Variants in GNG2 observed in about 807,000 individuals in gnomAD.
The protein encoded by GNG2 is G protein subunit gamma 2, also known as guanine nucleotide-binding protein G(I)/G(S)/G(O) subunit gamma-2.
Under a neutral mutation model 5.5 loss-of-function variants are expected in GNG2, and 5 were observed. The ratio of observed to expected loss-of-function variants is 0.91; its 90% CI spans 0.48 to 1.92. GNG2 has a LOEUF of 1.92. Ranked by LOEUF, GNG2 falls within the 30% of genes most tolerant of loss-of-function variation. The pLI, the probability that GNG2 is intolerant of heterozygous loss-of-function variation, is 0.01. For synonymous variants in GNG2, 28 were observed against 32.0 expected, an observed-to-expected ratio of 0.88 and a Z score of 0.42; for missense variants, 55 against 88.4, an observed-to-expected ratio of 0.62 and a Z score of 1.52.
chr14:51,904,767 G>A (rs948438727), intron 2 of GNG2, among the ~76,000 whole-genome samples: 1 of 152,234 alleles, frequency 6.6e-6, no homozygotes, highest in South Asian at 2.1e-4. Context: ...TGAGATTCAA[G>A]TTGAGTTTTC....
At chr14:51,870,677 G>C (rs1243856438) in intron 1 of GNG2, among the ~76,000 whole-genome samples, 1 of 152,210 alleles carries the variant, frequency 6.6e-6, no homozygotes, top group Non-Finnish European at 1.5e-5. Flanking sequence ...TGGAATTTCT[G>C]ATTATGAGTT....
At chr14:51,859,211 T>TTTG (rs1231171692), upstream of GNG2, among the ~76,000 whole-genome samples, 1 of 152,174 alleles carries the variant, frequency 6.6e-6, no homozygotes. Flanking sequence ...AGAGGTGTTT[T>TTTG]TTGTTGTTGT....
chr14:51,886,666 T>G (rs985937880), intron 2 of GNG2, among the ~76,000 whole-genome samples: 2 of 152,150 alleles, frequency 1.3e-5, no homozygotes, highest in African/African-American at 4.8e-5. Context: ...GAGGACCTCC[T>G]TAGTGGAGCT....
At chr14:51,836,478 T>G (rs1478572286) in intron 2 of GNG2, among the ~76,000 whole-genome samples, 1 of 152,150 alleles carries the variant, frequency 6.6e-6, no homozygotes, top group Non-Finnish European at 1.5e-5. Context: ...GAGGGTTAAA[T>G]AAAATAATGT....
At chr14:51,869,887 AG>A (rs1883185263) in intron 1 of GNG2, among the ~76,000 whole-genome samples, 1 of 152,174 alleles carries the variant, frequency 6.6e-6, no homozygotes, top group Non-Finnish European at 1.5e-5. Context: ...TATATGTATG[AG>A]TAAGTAGGCA....
In GNG2 at chr14:51,962,524, C is replaced by T. The variant is rs139025338; in HGVS notation, c.88-4035C>T. On this transcript the variant is annotated intron_variant, in intron 3 of 3. Coordinates refer to ENST00000556766, the MANE Select transcript of GNG2 (RefSeq NM_053064.5). ...GTATTATTTGAAGTTCACATACCAC[C>T]CCCCGAATTCGATCTGTGGAACCCT... Among the ~76,000 whole-genome samples, 773 of 152,122 alleles carry T rather than the reference C, an allele frequency of 5.1e-3. 4 individuals are homozygous for T. Among genetic ancestry groups the T allele is most frequent in the South Asian group, 0.026 (126 of 4,822 alleles).
chr14:51,952,747 T>C (rs906923989), intron 3 of GNG2, among the ~76,000 whole-genome samples: 4 of 152,240 alleles, frequency 2.6e-5, no homozygotes, highest in African/African-American at 9.6e-5. Flanking sequence ...ATCCCTCACC[T>C]GAATTACTGA....
chr14:51,833,267 C>T (rs1256080743), intron 2 of GNG2, among the ~76,000 whole-genome samples: 2 of 152,228 alleles, frequency 1.3e-5, no homozygotes, highest in Admixed American at 1.3e-4. Context: ...GCAATTTTCA[C>T]ACCACCCCCA....
chr14:51,952,865 C>T (rs1242014624), intron 3 of GNG2, among the ~76,000 whole-genome samples: 1 of 152,170 alleles, frequency 6.6e-6, no homozygotes, highest in African/African-American at 2.4e-5. Flanking sequence ...AAAAGAAAAT[C>T]TAATTACATT....
chr14:51,902,556 G>T (rs147812952), intron 2 of GNG2, among the ~76,000 whole-genome samples: 133 of 152,110 alleles, frequency 8.7e-4, no homozygotes, highest in African/African-American at 3.2e-3. Flanking sequence ...AAATGCAAAC[G>T]AAAACAAAAA....
upstream of GNG2, among the ~76,000 whole-genome samples, chr14:51,859,590 G>A (rs1882328070): frequency 6.6e-6 from 1 of 152,166 alleles, no homozygotes. Flanking sequence ...TTCCAATGTA[G>A]AGCATGACTA....
At chr14:51,952,027 G>A (rs1889006533) in intron 3 of GNG2, 2 of 625,898 alleles carry the variant, frequency 3.2e-6, no homozygotes, top group South Asian at 1.8e-5. Flanking sequence ...TATGATTCAG[G>A]CATCAGTATT....
chr14:51,832,048 G>A (rs1881208576), intron 2 of GNG2, among the ~76,000 whole-genome samples: 1 of 152,202 alleles, frequency 6.6e-6, no homozygotes, highest in African/African-American at 2.4e-5. Flanking sequence ...AAGAGGCCAA[G>A]GTGGGAGGAT....
intron 1 of GNG2, among the ~76,000 whole-genome samples, chr14:51,876,845 G>A (rs1883707191): frequency 1.3e-5 from 2 of 152,102 alleles, no homozygotes; most frequent in Non-Finnish European, 2.9e-5. Context: ...TTCTAGATGT[G>A]AGATATCTCT....
intron 2 of GNG2, chr14:51,918,457 T>G (rs973693439): frequency 6.6e-6 from 1 of 152,174 alleles, no homozygotes; most frequent in Non-Finnish European, 1.5e-5. Flanking sequence ...GAATCCACAT[T>G]TTCAAATTAT....
chr14:51,877,921 T>A (rs1305788988), intron 2 of GNG2: 6 of 272,052 alleles, frequency 2.2e-5, no homozygotes, highest in Non-Finnish European at 4.4e-5. Context: ...GCTGCTGTCT[T>A]AACAGAATGT....
chr14:51,944,967 A>G (rs1888555174), intron 2 of GNG2, among the ~76,000 whole-genome samples: 1 of 152,182 alleles, frequency 6.6e-6, no homozygotes, highest in Non-Finnish European at 1.5e-5. Flanking sequence ...AAAAATGGGC[A>G]ACAGAGTTGA....
Position 51,966,824 on chromosome 14 carries a change from G to A in GNG2, c.*137G>A. 1.4e-6 allele frequency: 1 copy of A among 700,514 alleles called. No homozygotes were observed. 43.4% of individuals were successfully genotyped at this position (700,514 alleles called of 1,614,324 possible). A position where few individuals can be genotyped will look rare whatever the true frequency, so the allele number is the denominator to read the frequency against. The stretch of plus-strand genomic sequence containing the variant: ...ATTCTGGAAACTCTAGGCTATGCAT[G>A]TTTAAAGATCTGGTCCCCTTTATGA... On this transcript the variant is annotated 3_prime_UTR_variant, in exon 4 of 4. Transcript: ENST00000556766.
At chr14:51,860,967 A>C (rs925397356) in intron 1 of GNG2, among the ~76,000 whole-genome samples, 177 bp downstream of exon 1, 1 of 152,132 alleles carries the variant, frequency 6.6e-6, no homozygotes, top group Non-Finnish European at 1.5e-5. Context: ...CATTTGATTT[A>C]AAAAAACCTC....
Sources: gnomAD v4.1 joint callset for allele counts (sites outside exome capture counted in the v4.1 genomes callset) on GRCh38, gnomAD v4.1.1 for gene constraint, MANE v1.5 for transcripts, NCBI Gene and HGNC (gene_info 2026-07-23, HGNC 2026-07-21) for gene names.